PDE4D: variants seen among roughly 807,000 people sequenced by gnomAD.
PDE4D encodes the protein 3',5'-cyclic-AMP phosphodiesterase 4D.
In PDE4D, 24 loss-of-function variants were observed where a neutral mutation model predicts 87.4. The observed-to-expected ratio is 0.27, with a 90% CI of 0.20 to 0.39. The LOEUF is 0.39. PDE4D is among the 10% of genes least tolerant of loss of function. The pLI, the probability that PDE4D is intolerant of heterozygous loss-of-function variation, is 1.00. For synonymous variants in PDE4D, 384 were observed against 383.2 expected (o/e 1.00, Z -0.02); for missense variants, 714 against 1,041.0 (o/e 0.69, Z 4.32).
intron 1 of PDE4D, among the ~76,000 whole-genome samples, chr5:59,879,740 G>T (rs1189402169): frequency 1.3e-5 from 2 of 152,020 alleles, no homozygotes; most frequent in Admixed American, 1.3e-4. Context: ...TTGTTTTTGG[G>T]TTTTTTTGTT....
At chr5:59,730,343 AT>A (rs1390879899) in intron 1 of PDE4D, among the ~76,000 whole-genome samples, 3 of 152,230 alleles carry the variant, frequency 2.0e-5, no homozygotes, top group Non-Finnish European at 4.4e-5. Context: ...TGTACAAAAC[AT>A]GTTTCTGCTT....
rs191862385 is a variant in PDE4D, at chr5:60,203,048, C to T, written c.-89-17361G>A. ...AGTGCAGTGGCGCAATCTTGGCTCACCGCAACTTCTGCCTCCCAGGTTCAA... is the reference window on the plus strand; with the variant it reads ...AGTGCAGTGGCGCAATCTTGGCTCATCGCAACTTCTGCCTCCCAGGTTCAA... On this transcript the variant is annotated intron_variant, in intron 1 of 16. Transcript: ENST00000502484. 1.6e-3 allele frequency among the ~76,000 whole-genome samples: 247 copies of T among 152,338 alleles called. 1 individual carries two copies. Among genetic ancestry groups the T allele is most frequent in the Non-Finnish European group, 8.7e-4 (59 of 68,028 alleles).
At chr5:59,919,885 T>G (rs1373589920) in intron 3 of PDE4D, among the ~76,000 whole-genome samples, 1 of 152,244 alleles carries the variant, frequency 6.6e-6, no homozygotes, top group Non-Finnish European at 1.5e-5. Context: ...ACAGAGCAGA[T>G]GCTTTGTTAT....
intron 1 of PDE4D, among the ~76,000 whole-genome samples, chr5:60,459,203 G>A (rs1302432925): frequency 6.6e-6 from 1 of 152,014 alleles, no homozygotes; most frequent in Non-Finnish European, 1.5e-5. Context: ...TTGAGTGGCA[G>A]GGCTCAAGTC....
At chr5:59,898,237 A>G (rs2152760407), upstream of PDE4D, among the ~76,000 whole-genome samples, 1 of 152,318 alleles carries the variant, frequency 6.6e-6, no homozygotes, top group Non-Finnish European at 1.5e-5. Flanking sequence ...GTAACTTTCT[A>G]ATGATACCAT....
chr5:60,345,228 T>C (rs1392612832), intron 1 of PDE4D, among the ~76,000 whole-genome samples: 2 of 151,484 alleles, frequency 1.3e-5, no homozygotes, highest in African/African-American at 2.4e-5. Context: ...TTCTCACTCA[T>C]AGGTGGGAAT....
intron 3 of PDE4D, among the ~76,000 whole-genome samples, chr5:59,975,306 C>T (rs1761207286): frequency 6.6e-6 from 1 of 152,176 alleles, no homozygotes; most frequent in Non-Finnish European, 1.5e-5. Flanking sequence ...CCAAGGCAGT[C>T]ACCCTCTTCC....
At chr5:59,976,900 G>T (rs750202775) in intron 3 of PDE4D, among the ~76,000 whole-genome samples, 10 of 152,164 alleles carry the variant, frequency 6.6e-5, no homozygotes, top group Non-Finnish European at 1.5e-4. Flanking sequence ...AATTTTTGGG[G>T]TGCCACAAAC....
chr5:60,322,248 G>T (rs1756348116), intron 1 of PDE4D, among the ~76,000 whole-genome samples: 1 of 152,018 alleles, frequency 6.6e-6, no homozygotes, highest in South Asian at 2.1e-4. Flanking sequence ...CATGTCCTTT[G>T]CAGCAACATG....
chr5:59,969,450 G>T (rs1489376155), intron 3 of PDE4D, among the ~76,000 whole-genome samples: 3 of 152,116 alleles, frequency 2.0e-5, no homozygotes, highest in Admixed American at 2.0e-4. Context: ...GGAGGGAAAG[G>T]AGTACTCTCA....
intron 1 of PDE4D, among the ~76,000 whole-genome samples, chr5:59,315,642 C>A (rs1040422066): frequency 6.6e-6 from 1 of 152,120 alleles, no homozygotes; most frequent in Non-Finnish European, 1.5e-5. Flanking sequence ...CAGGAAACAT[C>A]TTAAGCTTGT....
chr5:60,418,705 C>G (rs985511224), intron 1 of PDE4D, among the ~76,000 whole-genome samples: 4 of 151,922 alleles, frequency 2.6e-5, no homozygotes, highest in Admixed American at 1.3e-4. Flanking sequence ...TATCCATTCC[C>G]TCAAGCATTT....
At chr5:59,553,405 T>G (rs1415413143) in intron 1 of PDE4D, among the ~76,000 whole-genome samples, 2 of 152,196 alleles carry the variant, frequency 1.3e-5, no homozygotes, top group African/African-American at 4.8e-5. Context: ...TCCACTCCTC[T>G]GAGATGGTTT....
At chr5:59,924,945 G>T (rs1755076191) in intron 3 of PDE4D, among the ~76,000 whole-genome samples, 1 of 152,066 alleles carries the variant, frequency 6.6e-6, no homozygotes, top group Non-Finnish European at 1.5e-5. Context: ...GGAGGCTGAA[G>T]CGGGCAGATC....
At chr5:60,113,000 G>A (rs935543157) in intron 2 of PDE4D, among the ~76,000 whole-genome samples, 2 of 152,076 alleles carry the variant, frequency 1.3e-5, no homozygotes, top group African/African-American at 2.4e-5. Flanking sequence ...GAGATGAGAC[G>A]TACGTCAACT....
chr5:59,444,348 G>A (rs1440956955), intron 1 of PDE4D, among the ~76,000 whole-genome samples: 2 of 152,182 alleles, frequency 1.3e-5, no homozygotes, highest in Non-Finnish European at 2.9e-5. Context: ...AAAGGTGTAG[G>A]ATAGAGTGGG....
At chr5:59,521,230 C>T (rs1812183166) in intron 1 of PDE4D, among the ~76,000 whole-genome samples, 1 of 151,922 alleles carries the variant, frequency 6.6e-6, no homozygotes, top group Non-Finnish European at 1.5e-5. Context: ...GGCAGATAGA[C>T]CTGGAAGAAA....
At chr5:59,087,928 G>A (rs535118081) in intron 5 of PDE4D, among the ~76,000 whole-genome samples, 4 of 152,254 alleles carry the variant, frequency 2.6e-5, no homozygotes, top group Non-Finnish European at 5.9e-5. Flanking sequence ...GTCTTGAAAT[G>A]GTATGTGTGA....
intron 1 of PDE4D, among the ~76,000 whole-genome samples, chr5:59,777,466 C>A (rs1458939720): frequency 1.3e-5 from 2 of 152,106 alleles, no homozygotes. Context: ...CAACTGAAGG[C>A]CAGACAGGTG....
Sources: allele counts gnomAD v4.1 joint callset (sites outside exome capture counted in the v4.1 genomes callset), GRCh38; gene constraint gnomAD v4.1.1; transcripts MANE v1.5; gene names NCBI Gene and HGNC (gene_info 2026-07-23, HGNC 2026-07-21).